The following ZNF622 variants were observed in gnomAD, a reference collection of about 807,000 sequenced individuals.
ZNF622 encodes the protein cytoplasmic 60S subunit biogenesis factor ZNF622.
In ZNF622, 34 loss-of-function variants were observed where a neutral mutation model predicts 49.7. The observed-to-expected ratio is 0.68, with a 90% confidence interval of 0.52 to 0.91. The LOEUF is 0.91. Among genes scored for constraint, ZNF622 ranks in the 40% least tolerant of loss-of-function variants. The pLI is 0.00. For synonymous variants in ZNF622, 209 were observed against 228.7 expected, an observed-to-expected ratio of 0.91 and a Z score of 0.78; for missense variants, 569 against 616.4, an observed-to-expected ratio of 0.92 and a Z score of 0.81.
chr5:16,464,925 T>A, intron 1 of ZNF622, 116 bp downstream of exon 1: 1 of 1,438,314 alleles, frequency 7.0e-7, no homozygotes, highest in Non-Finnish European at 9.3e-7. Flanking sequence ...CCTTCCCTCA[T>A]CATTTTTACT....
Position 16,451,595 on chromosome 5 carries a change from A to C in ZNF622, c.*62T>G. ...GGGTCTCTCCTATGATCTGTCTTTC[A>C]CTGGTCCTCAGGGCAAGGAGGAAAC... On this transcript the variant is annotated 3_prime_UTR_variant, in exon 6 of 6. Coordinates refer to ENST00000308683, the MANE Select transcript of ZNF622 (RefSeq NM_033414.3). The C allele has an allele frequency of 3.8e-6, 6 of 1,584,832 alleles. No homozygotes were observed. The South Asian group carries it at 7.1e-5, about 19-fold the overall frequency.
rs1737932484 is a variant in ZNF622 at position 16,451,547 on chromosome 5, G to C, written c.*110C>G. ...GGTTCTAACTTTTATTATTAGGTCA[G>C]AACGAATGAAGTAGCAGCAAAAGGG... On this transcript the variant is annotated 3_prime_UTR_variant, in exon 6 of 6. Coordinates refer to ENST00000308683, the MANE Select transcript of ZNF622 (RefSeq NM_033414.3). 2 of 1,416,796 alleles carry C rather than the reference G, an allele frequency of 1.4e-6. No homozygotes were observed. The highest frequency in any genetic ancestry group is 1.9e-6 in the Non-Finnish European group (2 of 1,051,140). 87.8% of individuals were successfully genotyped at this position (1,416,796 alleles called of 1,614,324 possible).
chr5:16,453,037 C>G lies in ZNF622; in HGVS notation c.1282G>C (p.Ala428Pro), dbSNP rs749200394. ...AVGRVLQQYR[A>P]LGWTGSTGAA... is the part of the protein sequence containing the mutation. ...CCTGTGCTGCCAGTCCATCCCAGGG[C>G]TCTGTACTGCTGAAGTACTCGGCCC... Residue 428 changes from alanine to proline, a missense_variant, in exon 5 of 6, where the codon GCC (alanine) becomes CCC (proline). Ala to Pro is a conservative substitution (Grantham distance 27). Coordinates refer to ENST00000308683, the MANE Select transcript of ZNF622 (RefSeq NM_033414.3). 1 of 1,553,286 alleles carries G rather than the reference C, an allele frequency of 6.4e-7. No homozygotes were observed. Among genetic ancestry groups the G allele is most frequent in the East Asian group, 2.3e-5 (1 of 42,700 alleles).
intron 3 of ZNF622, among the ~76,000 whole-genome samples, chr5:16,462,853 G>C (rs748658167): frequency 6.6e-6 from 1 of 152,108 alleles, no homozygotes. Flanking sequence ...CTGAACTCTT[G>C]ATGTTTTAAC....
intron 4 of ZNF622, among the ~76,000 whole-genome samples, chr5:16,454,365 G>A (rs1039010267): frequency 1.3e-5 from 2 of 151,692 alleles, no homozygotes; most frequent in African/African-American, 4.8e-5. Flanking sequence ...GTGGGCACCT[G>A]TAGTCCCAGC....
At chr5:16,461,097 T>A (rs920597091) in intron 3 of ZNF622, among the ~76,000 whole-genome samples, 1 of 152,204 alleles carries the variant, frequency 6.6e-6, no homozygotes, top group African/African-American at 2.4e-5. Flanking sequence ...GAAATTTATG[T>A]CAAGGCCTGC....
Position 16,463,457 on chromosome 5 carries a change from T to A in ZNF622, c.886+25A>T. On this transcript the variant is annotated intron_variant, in intron 2 of 5. Coordinates refer to ENST00000308683, the MANE Select transcript of ZNF622 (RefSeq NM_033414.3). The surrounding 1 kb of genome is among the most constrained non-coding windows in gnomAD (Gnocchi z 4.2). ...CCCCAATAATGTGATTATTTCCTCA[T>A]TAAAAGGAAAACTATTGTACTTACC... 6.3e-7 allele frequency: 1 copy of A among 1,591,576 alleles called. No individual in the cohort carries two copies. The highest frequency in any genetic ancestry group is 8.6e-7 in the Non-Finnish European group (1 of 1,167,038).
At chr5:16,454,521 A>G (rs1318698457) in intron 4 of ZNF622, among the ~76,000 whole-genome samples, 1 of 151,558 alleles carries the variant, frequency 6.6e-6, no homozygotes, top group Non-Finnish European at 1.5e-5. Context: ...CTATGGGACA[A>G]AGGTATTGGC....
rs749200394 is a variant in ZNF622, at chr5:16,453,037, C to T, written c.1282G>A (p.Ala428Thr). ...CCTGTGCTGCCAGTCCATCCCAGGG[C>T]TCTGTACTGCTGAAGTACTCGGCCC... Reference protein sequence around the residue: ...AVGRVLQQYRALGWTGSTGAA... With the variant: ...AVGRVLQQYRTLGWTGSTGAA... Residue 428 changes from alanine (A) to threonine (T), a missense_variant, in exon 5 of 6, where the codon GCC becomes ACC. By Grantham distance (58) the Ala-to-Thr change is moderately conservative. Transcript: ENST00000308683. 1.6e-5 allele frequency: 25 copies of T among 1,553,288 alleles called. No homozygotes were observed. The highest frequency in any genetic ancestry group is 2.2e-5 in the Non-Finnish European group (25 of 1,145,134).
chr5:16,461,100 A>C (rs1459135305), intron 3 of ZNF622, among the ~76,000 whole-genome samples: 1 of 152,242 alleles, frequency 6.6e-6, no homozygotes, highest in Non-Finnish European at 1.5e-5. Context: ...ATTTATGTCA[A>C]GGCCTGCAAG....
rs34774848 is a variant in ZNF622, at chr5:16,454,488, C to CAAAA, written c.1163-1336_1163-1333dup. On this transcript the variant is annotated intron_variant, in intron 4 of 5. Transcript: ENST00000308683. ...GGGCAACACAGCAAGACTCCGTCTC[C>CAAAA]AAAAAAAAAAAAAAAAAAAAAACTA... is the stretch of plus-strand genomic sequence containing the variant. Among the ~76,000 whole-genome samples, 140 of 66,468 alleles carry CAAAA rather than the reference C, an allele frequency of 2.1e-3. 2 individuals are homozygous for CAAAA. The highest frequency in any genetic ancestry group is 2.8e-3 in the Non-Finnish European group (104 of 37,736). The allele number at this position is 66,468 out of a possible 152,430, so 43.6% of individuals were successfully genotyped here. A position where few individuals can be genotyped will look rare whatever the true frequency, so the allele number is the denominator to read the frequency against.
chr5:16,461,723 T>C (rs891266890), intron 3 of ZNF622, among the ~76,000 whole-genome samples: 1 of 152,174 alleles, frequency 6.6e-6, no homozygotes, highest in Non-Finnish European at 1.5e-5. Context: ...TTTGGACAGG[T>C]TAAGTTAATG....
At position 16,465,334 on chromosome 5, in the gene ZNF622, T is replaced by C. The variant is rs1449108406; in HGVS notation, c.332A>G (p.Glu111Gly). 1 of 1,614,146 alleles carries C rather than the reference T, an allele frequency of 6.2e-7. No individual in the cohort carries two copies. Among genetic ancestry groups the C allele is most frequent in the Non-Finnish European group, 8.5e-7 (1 of 1,180,050 alleles). ...GCCCAGTCCTTTCTCCAAGTTCTTTTCATTCATCATCTCCACTTTCCGATT... is the reference window on the plus strand; with the variant it reads ...GCCCAGTCCTTTCTCCAAGTTCTTTCCATTCATCATCTCCACTTTCCGATT... ...AVNRKVEMMN[E>G]KNLEKGLGVD... The change falls in exon 1 of 6, where the codon GAA (glutamate) becomes GGA (glycine). Residue 111 changes from glutamate to glycine, a missense_variant. Transcript: ENST00000308683. The surrounding 1 kb of genome is among the most constrained non-coding windows in gnomAD (Gnocchi z 6.2).
intron 4 of ZNF622, among the ~76,000 whole-genome samples, chr5:16,454,442 C>A (rs571809163): frequency 9.1e-5 from 11 of 121,524 alleles, no homozygotes; most frequent in African/African-American, 2.8e-4. Context: ...GAGCCAAGAT[C>A]ATACCACTGC....
At position 16,453,042 on chromosome 5, in the gene ZNF622, T is replaced by G. The variant is rs544405676; in HGVS notation, c.1277A>C (p.Tyr426Ser). Residue 426 changes from tyrosine (Y) to serine (S), a missense_variant, in exon 5 of 6, where the codon TAC becomes TCC. Transcript: ENST00000308683. ...GCTGCCAGTCCATCCCAGGGCTCTG[T>G]ACTGCTGAAGTACTCGGCCCACGGC... The part of the protein sequence containing the change: ...RKAVGRVLQQ[Y>S]RALGWTGSTG... 1.9e-6 allele frequency: 3 copies of G among 1,567,480 alleles called. No individual in the cohort carries two copies. Among genetic ancestry groups the G allele is most frequent in the Non-Finnish European group, 2.6e-6 (3 of 1,152,846 alleles).
rs190331958 is a variant in ZNF622, at chr5:16,463,724, G to T, written c.644C>A (p.Ser215Tyr). ...ATCCTCACATTCCAATTCTTCATCA[G>T]AATCAATATCTTCCCAATCTGCAAG... Reference protein sequence around the residue: ...LDGDDWEDIDSDEELECEDTE... With the variant: ...LDGDDWEDIDYDEELECEDTE... Residue 215 changes from serine to tyrosine, a missense_variant, in exon 2 of 6, where the codon TCT (serine) becomes TAT (tyrosine). Transcript: ENST00000308683. The surrounding 1 kb of genome is among the most constrained non-coding windows in gnomAD (Gnocchi z 4.2). 6.2e-7 allele frequency: 1 copy of T among 1,612,760 alleles called. No homozygotes were observed. The highest frequency in any genetic ancestry group is 1.3e-5 in the African/African-American group (1 of 74,990).
chr5:16,462,229 T>G (rs16868627), intron 3 of ZNF622, among the ~76,000 whole-genome samples: 3,851 of 152,298 alleles, frequency 0.025, 163 homozygotes, highest in African/African-American at 0.088. Context: ...CTGAACATGG[T>G]ATCACTTGGT....
chr5:16,452,401 T>C (rs1015665011), intron 5 of ZNF622, among the ~76,000 whole-genome samples: 9 of 152,310 alleles, frequency 5.9e-5, no homozygotes, highest in African/African-American at 1.9e-4. Context: ...AACTCAACAA[T>C]TGCAGTGGCA....
chr5:16,465,598 T>C lies in ZNF622; in HGVS notation c.68A>G (p.Tyr23Cys), dbSNP rs773299111. Residue 23 changes from tyrosine to cysteine, a missense_variant, in exon 1 of 6, where the codon TAT becomes TGT. Physicochemically the swap from Tyr to Cys is radical, Grantham distance 194. Transcript: ENST00000308683. The surrounding 1 kb of genome is among the most constrained non-coding windows in gnomAD (Gnocchi z 6.2). ...GTTGTAGCGGTGCCAGTCCGTCTTA[T>C]AGTGGGCCCGCTGCATGTCCGCGTC... Reference protein sequence around the residue: ...FRDADMQRAHYKTDWHRYNLR... With the variant: ...FRDADMQRAHCKTDWHRYNLR... 2.0e-5 allele frequency: 32 copies of C among 1,610,024 alleles called. No individual in the cohort carries two copies. Among genetic ancestry groups the C allele is most frequent in the Non-Finnish European group, 1.7e-5 (20 of 1,177,588 alleles).
Sources: gnomAD v4.1 joint callset for allele counts (sites outside exome capture counted in the v4.1 genomes callset) on GRCh38, gnomAD v4.1.1 for gene constraint, Gnocchi (gnomAD v3.1) non-coding constraint, MANE v1.5 for transcripts, NCBI Gene and HGNC (gene_info 2026-07-23, HGNC 2026-07-21) for gene names.